ABCA6: variants seen among roughly 807,000 people sequenced by gnomAD.
ABCA6 encodes the protein ATP-binding cassette sub-family A member 6.
Under a neutral mutation model 191.2 loss-of-function variants are expected in ABCA6, and 164 were observed. That is an observed-to-expected ratio of 0.86 (90% CI 0.76 to 0.98). The LOEUF is 0.98. ABCA6 is among the 50% of genes least tolerant of loss of function. The pLI, the probability that ABCA6 is intolerant of heterozygous loss-of-function variation, is 0.00. For synonymous variants in ABCA6, 636 were observed against 647.7 expected (o/e 0.98, Z 0.27); for missense variants, 1,958 against 1,894.1 (o/e 1.03, Z -0.63).
intron 37 of ABCA6, among the ~76,000 whole-genome samples, chr17:69,080,359 TG>T (rs2072600730): frequency 6.6e-6 from 1 of 152,120 alleles, no homozygotes; most frequent in Admixed American, 6.6e-5. Flanking sequence ...GCAGCATGCC[TG>T]GGCTGAGAAC....
At chr17:69,127,768 T>A (rs1477375495) in intron 8 of ABCA6, among the ~76,000 whole-genome samples, 2 of 152,098 alleles carry the variant, frequency 1.3e-5, no homozygotes, top group African/African-American at 4.8e-5. Flanking sequence ...CTGTTTGTTA[T>A]ATTAACGTAA....
intron 6 of ABCA6, 144 bp from the exon 7 acceptor site, chr17:69,129,895 C>T (rs752284886): frequency 3.4e-6 from 2 of 590,990 alleles, no homozygotes; most frequent in Non-Finnish European, 5.7e-6. Flanking sequence ...ACAGCAGAAG[C>T]TCATTGCATA....
chr17:69,140,960 T>TG (rs1328860170), intron 1 of ABCA6, among the ~76,000 whole-genome samples: 2 of 152,060 alleles, frequency 1.3e-5, no homozygotes, highest in East Asian at 1.9e-4. Context: ...TGCAATAACT[T>TG]GGAGTACTGA....
chr17:69,123,910 A>G (rs1173304599), intron 9 of ABCA6, among the ~76,000 whole-genome samples: 6 of 152,102 alleles, frequency 3.9e-5, no homozygotes, highest in Non-Finnish European at 8.8e-5. Flanking sequence ...AAACATATTT[A>G]TTAAATTTTT....
intron 10 of ABCA6, among the ~76,000 whole-genome samples, chr17:69,120,409 G>A (rs1284147948): frequency 6.6e-6 from 1 of 151,930 alleles, no homozygotes; most frequent in Non-Finnish European, 1.5e-5. Flanking sequence ...CACTTCTATT[G>A]ACTAAATAAC....
chr17:69,104,296 CA>C (rs1295463890), intron 20 of ABCA6: 2 of 151,840 alleles, frequency 1.3e-5, no homozygotes, highest in African/African-American at 4.8e-5. Flanking sequence ...CAAGAGTGAC[CA>C]AAGAGGAAAA....
chr17:69,083,901 AC>A (rs1365100161), intron 34 of ABCA6, among the ~76,000 whole-genome samples: 2 of 152,200 alleles, frequency 1.3e-5, no homozygotes, highest in East Asian at 3.8e-4. Flanking sequence ...AGGAAAAAAA[AC>A]AAACAGGAAA....
chr17:69,115,066 C>T (rs1404402099), intron 12 of ABCA6, 129 bp from the exon 13 acceptor site: 3 of 739,674 alleles, frequency 4.1e-6, no homozygotes, highest in Non-Finnish European at 6.4e-6. Flanking sequence ...CTATTCTTGA[C>T]ATAAATATAT....
intron 11 of ABCA6, among the ~76,000 whole-genome samples, chr17:69,116,108 C>T (rs889555427): frequency 3.3e-5 from 5 of 152,052 alleles, no homozygotes; most frequent in East Asian, 1.9e-4. Context: ...ACACCCACTT[C>T]GGGATTTACA....
At chr17:69,095,750 G>C (rs531147595) in intron 25 of ABCA6, among the ~76,000 whole-genome samples, 1 of 152,154 alleles carries the variant, frequency 6.6e-6, no homozygotes, top group Admixed American at 6.5e-5. Context: ...AGGGCACTCT[G>C]GTGTCTCTAG....
chr17:69,108,987 C>T (rs2073364252), intron 17 of ABCA6: 1 of 152,226 alleles, frequency 6.6e-6, no homozygotes, highest in Non-Finnish European at 1.5e-5. Flanking sequence ...AGTTGCACCT[C>T]ACAGGGCCTT....
At chr17:69,086,532 C>T (rs2072796414) in intron 30 of ABCA6, 86 bp downstream of exon 30, 3 of 547,442 alleles carry the variant, frequency 5.5e-6, no homozygotes, top group Non-Finnish European at 9.1e-6. Flanking sequence ...ATGAATGCTT[C>T]AGCGAGTAAA....
Position 69,084,505 on chromosome 17 carries a change from A to C in ABCA6, c.4187T>G (p.Leu1396Ter). 3 of 1,614,056 alleles carry C rather than the reference A, an allele frequency of 1.9e-6. No homozygotes were observed. Among genetic ancestry groups the C allele is most frequent in the Admixed American group, 3.3e-5 (2 of 60,028 alleles). ...CTCATGCAGTTTGAAAGCACTCACTAATCTGACAGAAAACAGAATGAGAAT... is the reference window on the plus strand; with the variant it reads ...CTCATGCAGTTTGAAAGCACTCACTCATCTGACAGAAAACAGAATGAGAAT... ...KADARLAIAR[L>*]VSAFKLHEQL... Residue 1396 changes from leucine to a stop codon, truncating the protein, a stop_gained and splice_region_variant, in exon 33 of 39, where the codon TTA becomes TGA. Transcript: ENST00000284425. LOFTEE classifies it high-confidence loss of function.
Position 69,113,535 on chromosome 17 carries a change from G to A in ABCA6, c.1902+83C>T, listed in dbSNP as rs865808772. ...TCTCTCTTGATGCATTACAATGAAA[G>A]CTCTACCACTTTTAGTGGTAAAAGA... On this transcript the variant is annotated intron_variant, in intron 14 of 38. Transcript: ENST00000284425. 2.2e-5 allele frequency: 35 copies of A among 1,593,644 alleles called. 2 individuals are homozygous for A. The Middle Eastern group carries it at 3.7e-3, about 168-fold the overall frequency.
Position 69,078,871 on chromosome 17 carries a change from T to C in ABCA6, c.*102A>G. ...GTTAACTAAATTTACAAAATATACC[T>C]GATGTTAATTTTAAATGATCTTTAA... is the stretch of plus-strand genomic sequence containing the variant. On this transcript the variant is annotated 3_prime_UTR_variant, in exon 39 of 39. Transcript: ENST00000284425. The C allele has an allele frequency of 3.0e-6, 2 of 660,846 alleles. No individual in the cohort carries two copies. The highest frequency in any genetic ancestry group is 4.8e-6 in the Non-Finnish European group (2 of 420,688). The allele number at this position is 660,846 out of a possible 1,614,324, so 40.9% of individuals were successfully genotyped here. A position where few individuals can be genotyped will look rare whatever the true frequency, so the allele number is the denominator to read the frequency against.
intron 31 of ABCA6, 95 bp downstream of exon 31, chr17:69,085,530 A>G (rs187379152): frequency 1.2e-6 from 1 of 803,596 alleles, no homozygotes; most frequent in African/African-American, 1.8e-5. Flanking sequence ...AAAAAAAAAA[A>G]AAAAAGAAAA....
rs772518608 is a variant in ABCA6 at position 69,140,752 on chromosome 17, G to A, written c.-45-4C>T. 1.6e-6 allele frequency: 2 copies of A among 1,286,322 alleles called. No individual in the cohort carries two copies. Among genetic ancestry groups the A allele is most frequent in the Admixed American group, 2.6e-5 (1 of 38,144 alleles). The allele number at this position is 1,286,322 out of a possible 1,614,324, so 79.7% of individuals were successfully genotyped here. A position where few individuals can be genotyped will look rare whatever the true frequency, so the allele number is the denominator to read the frequency against. On this transcript the variant is annotated splice_polypyrimidine_tract_variant and splice_region_variant and intron_variant, in intron 1 of 38. Transcript: ENST00000284425. Reference sequence around the variant, plus strand: ...AGTAATCATGGTGGAACACAACCTAGAAAAAAATAAGTGTAATAAGAAAAA... The same window carrying A: ...AGTAATCATGGTGGAACACAACCTAAAAAAAAATAAGTGTAATAAGAAAAA...
intron 17 of ABCA6, chr17:69,108,276 C>T (rs1457681912): frequency 6.4e-6 from 1 of 155,114 alleles, no homozygotes; most frequent in Non-Finnish European, 1.4e-5. Flanking sequence ...GCCTTACCCA[C>T]CTCCATTTGC....
At position 69,128,612 on chromosome 17, in the gene ABCA6, C is replaced by A. The variant is rs78567216; in HGVS notation, c.1119+7G>T. 15,099 of 1,604,092 alleles carry A rather than the reference C, an allele frequency of 9.4e-3. 93 individuals carry two copies. Among genetic ancestry groups the A allele is most frequent in the Middle Eastern group, 0.029 (176 of 6,000 alleles). On this transcript the variant is annotated splice_region_variant and intron_variant, in intron 8 of 38. Transcript: ENST00000284425. ...TTCAGTAATAAACCAATTAACTAGG[C>A]TCTTACCTGAATCATTCCAGTAGTA...
Sources: gnomAD v4.1 joint callset for allele counts (sites outside exome capture counted in the v4.1 genomes callset) on GRCh38, gnomAD v4.1.1 for gene constraint, MANE v1.5 for transcripts, NCBI Gene and HGNC (gene_info 2026-07-23, HGNC 2026-07-21) for gene names.